The following PTPRG variants were observed in gnomAD, a reference collection of about 807,000 sequenced individuals.
PTPRG encodes protein tyrosine phosphatase receptor type G, also known as receptor-type tyrosine-protein phosphatase gamma.
A neutral mutation model predicts 165.3 loss-of-function variants in PTPRG; 102 were observed. The observed-to-expected ratio is 0.62, with a 90% CI of 0.53 to 0.73. PTPRG has a LOEUF of 0.73. PTPRG is among the 30% of genes least tolerant of loss of function. The pLI is 0.00. For missense variants in PTPRG, 1,866 were observed against 1,861.4 expected (o/e 1.00, Z -0.05); for synonymous variants, 675 against 669.5 (o/e 1.01, Z -0.13).
At chr3:62,132,287 C>T (rs966032557) in intron 5 of PTPRG, among the ~76,000 whole-genome samples, 2 of 152,070 alleles carry the variant, frequency 1.3e-5, no homozygotes, top group African/African-American at 4.8e-5. Context: ...ACTTTTTAGC[C>T]GATTGGGCCT....
At chr3:62,048,351 C>G (rs1259773345) in intron 4 of PTPRG, among the ~76,000 whole-genome samples, 1 of 152,168 alleles carries the variant, frequency 6.6e-6, no homozygotes, top group Admixed American at 6.5e-5. Context: ...CTCCTACTTG[C>G]TGTTGAGTCT....
In PTPRG at chr3:61,705,982, T is replaced by A. The variant is rs962927179; in HGVS notation, c.86-42896T>A. Among the ~76,000 whole-genome samples, 9 of 152,228 alleles carry A rather than the reference T, an allele frequency of 5.9e-5. No homozygotes were observed. In the East Asian group the frequency reaches 1.7e-3, roughly 29 times the overall value. ...TGCTTCTTGTTTCATATTGTTCTGTTTTCATGTGCCCTAAGGGACAGTTAT... is the reference window on the plus strand; with the variant it reads ...TGCTTCTTGTTTCATATTGTTCTGTATTCATGTGCCCTAAGGGACAGTTAT... On this transcript the variant is annotated intron_variant, in intron 1 of 29. Coordinates refer to ENST00000474889, the MANE Select transcript of PTPRG (RefSeq NM_002841.4).
intron 3 of PTPRG, among the ~76,000 whole-genome samples, chr3:61,995,958 T>C (rs2041031889): frequency 6.6e-6 from 1 of 152,100 alleles, no homozygotes; most frequent in Non-Finnish European, 1.5e-5. Flanking sequence ...CATTTCCTCC[T>C]GTGTCTTCTT....
chr3:61,887,123 C>T (rs10663841), intron 2 of PTPRG, among the ~76,000 whole-genome samples: 994 of 85,742 alleles, frequency 0.012, 124 homozygotes, highest in East Asian at 0.029. Context: ...CCATAGCATG[C>T]ATATATATAT....
At chr3:62,027,829 G>C (rs189309347) in intron 4 of PTPRG, among the ~76,000 whole-genome samples, 19 of 152,272 alleles carry the variant, frequency 1.2e-4, no homozygotes, top group African/African-American at 4.6e-4. Context: ...TCGTCTATAG[G>C]ACAAGGCCGG....
chr3:61,806,277 GA>G (rs1319176254), intron 2 of PTPRG, among the ~76,000 whole-genome samples: 1 of 152,178 alleles, frequency 6.6e-6, no homozygotes, highest in Non-Finnish European at 1.5e-5. Context: ...AACCTTGTGG[GA>G]AATAATGTGT....
intron 15 of PTPRG, among the ~76,000 whole-genome samples, chr3:62,251,608 C>T (rs951938002): frequency 6.6e-6 from 1 of 152,024 alleles, no homozygotes; most frequent in Non-Finnish European, 1.5e-5. Context: ...TGCACTCCAA[C>T]CAGCCTGGGT....
intron 5 of PTPRG, among the ~76,000 whole-genome samples, chr3:62,124,900 A>T (rs1703230448): frequency 6.6e-6 from 1 of 152,162 alleles, no homozygotes; most frequent in Admixed American, 6.5e-5. Flanking sequence ...CTACTGAATA[A>T]AACTAAGCCA....
intron 4 of PTPRG, among the ~76,000 whole-genome samples, chr3:62,039,774 G>A (rs1056816696): frequency 1.3e-5 from 2 of 152,174 alleles, no homozygotes; most frequent in Non-Finnish European, 1.5e-5. Flanking sequence ...ATTCCTGTCC[G>A]TTGCCAGCAC....
At chr3:62,253,737 T>C (rs1701474062) in intron 15 of PTPRG, among the ~76,000 whole-genome samples, 2 of 152,206 alleles carry the variant, frequency 1.3e-5, no homozygotes, top group African/African-American at 4.8e-5. Context: ...TGCAAAATGA[T>C]TGCATATTCA....
intron 2 of PTPRG, among the ~76,000 whole-genome samples, chr3:61,858,631 A>T (rs2037178443): frequency 1.3e-5 from 2 of 152,198 alleles, no homozygotes; most frequent in Admixed American, 6.5e-5. Flanking sequence ...AAGTAAATGG[A>T]TGTTTAGTCT....
In PTPRG at chr3:61,764,753, C is replaced by A. The variant is rs144132119; in HGVS notation, c.190+15771C>A. Among the ~76,000 whole-genome samples the A allele has an allele frequency of 4.2e-4, 64 of 152,242 alleles. No homozygotes were observed. The East Asian group carries it at 0.012, about 28-fold the overall frequency. On this transcript the variant is annotated intron_variant, in intron 2 of 29. Coordinates refer to ENST00000474889, the MANE Select transcript of PTPRG (RefSeq NM_002841.4). ...ATTTTAATTAGGCCTCCTTCTAGAA[C>A]CTTCTGGCCCTGTATTCTTGCTTAG...
chr3:62,066,531 T>C (rs1383475899), intron 4 of PTPRG, among the ~76,000 whole-genome samples: 1 of 152,154 alleles, frequency 6.6e-6, no homozygotes, highest in Non-Finnish European at 1.5e-5. Flanking sequence ...ACTGTGGTAG[T>C]GATTTTTGTG....
chr3:62,168,821 C>A (rs1392716984), intron 8 of PTPRG, among the ~76,000 whole-genome samples: 1 of 152,142 alleles, frequency 6.6e-6, no homozygotes, highest in African/African-American at 2.4e-5. Flanking sequence ...GTACCCAGGT[C>A]CTTGTCTGGC....
intron 2 of PTPRG, among the ~76,000 whole-genome samples, chr3:61,858,594 A>C (rs1178632944): frequency 6.6e-6 from 1 of 152,168 alleles, no homozygotes; most frequent in Non-Finnish European, 1.5e-5. Context: ...CTGGAATATT[A>C]GGTGTTCTGT....
chr3:61,700,106 TGAG>T (rs1323788857), intron 1 of PTPRG, among the ~76,000 whole-genome samples: 1 of 152,156 alleles, frequency 6.6e-6, no homozygotes, highest in Non-Finnish European at 1.5e-5. Context: ...TCTGAAAATC[TGAG>T]GAGGTTTCAT....
intron 1 of PTPRG, among the ~76,000 whole-genome samples, chr3:61,690,963 G>T (rs1303215666): frequency 2.6e-5 from 4 of 152,054 alleles, no homozygotes; most frequent in African/African-American, 7.2e-5. Context: ...GGGGTGAATT[G>T]CTATGTTTTT....
At position 62,228,236 on chromosome 3, in the gene PTPRG, AAGG is replaced by A. The variant is rs950518169; in HGVS notation, c.2289-2985_2289-2983del. Among the ~76,000 whole-genome samples the A allele has an allele frequency of 6.6e-6, 1 of 152,094 alleles. No individual in the cohort carries two copies. Among genetic ancestry groups the A allele is most frequent in the African/African-American group, 2.4e-5 (1 of 41,424 alleles). ...CTGTATTTTTTACAAAACAAAGAAA[AAGG>A]AGGCTGGGCGCGGTGGCTCATGCCT... On this transcript the variant is annotated intron_variant, in intron 13 of 29. Transcript: ENST00000474889. The surrounding 1 kb of genome is among the most constrained non-coding windows in gnomAD (Gnocchi z 4.1).
intron 2 of PTPRG, among the ~76,000 whole-genome samples, chr3:61,868,967 C>T (rs2037485831): frequency 6.6e-6 from 1 of 150,846 alleles, no homozygotes; most frequent in African/African-American, 2.4e-5. Flanking sequence ...CTAGTCACTT[C>T]TAATAACTTT....
Sources: gnomAD v4.1 joint callset for allele counts (sites outside exome capture counted in the v4.1 genomes callset) on GRCh38, gnomAD v4.1.1 for gene constraint, Gnocchi (gnomAD v3.1) non-coding constraint, MANE v1.5 for transcripts, NCBI Gene and HGNC (gene_info 2026-07-23, HGNC 2026-07-21) for gene names.